Variants in TBC1D1 observed in about 807,000 individuals in gnomAD.
TBC1D1 encodes TBC1 (tre-2/USP6, BUB2, cdc16) domain family, member 1.
In TBC1D1, 89 loss-of-function variants were observed where a neutral mutation model predicts 125.6. The observed-to-expected ratio is 0.71, with a 90% confidence interval of 0.60 to 0.85. The LOEUF is 0.85. Among genes scored for constraint, TBC1D1 ranks in the 40% least tolerant of loss-of-function variants. The pLI, the probability that TBC1D1 is intolerant of heterozygous loss-of-function variation, is 0.00. For synonymous variants in TBC1D1, 565 were observed against 564.1 expected, an observed-to-expected ratio of 1.00 and a Z score of -0.02; for missense variants, 1,377 against 1,469.2, an observed-to-expected ratio of 0.94 and a Z score of 1.03.
rs1733335157 is a variant in TBC1D1 at position 37,977,296 on chromosome 4, T to C, written c.418-37213T>C. On this transcript the variant is annotated intron_variant, in intron 2 of 19. Transcript: ENST00000261439. The surrounding 1 kb of genome is among the most constrained non-coding windows in gnomAD (Gnocchi z 4.3). ...CCGCGCTCTCCCCTCCCACTTCCCT[T>C]TCTCTGCCTGGCCGCCCCGCGGGCG... 1 of 123,294 alleles carries C rather than the reference T, an allele frequency of 8.1e-6. No homozygotes were observed. The highest frequency in any genetic ancestry group is 1.7e-5 in the Non-Finnish European group (1 of 59,182). 7.6% of individuals were successfully genotyped at this position (123,294 alleles called of 1,614,324 possible).
Position 38,014,824 on chromosome 4 carries a change from G to T in TBC1D1, c.733G>T (p.Ala245Ser). 1 of 1,611,724 alleles carries T rather than the reference G, an allele frequency of 6.2e-7. No homozygotes were observed. The highest frequency in any genetic ancestry group is 8.5e-7 in the Non-Finnish European group (1 of 1,178,440). ...CTCCCAGCCCGGCCTGCGCTCGCTG[G>T]CCTTTAGGAAGGAGCTGCAGGATGG... Residue 245 changes from alanine (A) to serine (S), a missense_variant, in exon 3 of 20, where the codon GCC becomes TCC. This residue lies in a region of TBC1D1 where 822 missense variants were observed against 824.6 expected (regional missense o/e 1.00). Coordinates refer to ENST00000261439, the MANE Select transcript of TBC1D1 (RefSeq NM_015173.4). This position sits in a 1 kb window ranked among gnomAD's most constrained non-coding sequence, Gnocchi z 5.1.
chr4:37,971,140 C>A (rs1731930877), intron 2 of TBC1D1, among the ~76,000 whole-genome samples: 1 of 152,150 alleles, frequency 6.6e-6, no homozygotes, highest in African/African-American at 2.4e-5. Flanking sequence ...GGCCCCCCTG[C>A]CTTTCAAGTC....
At chr4:37,981,727 C>A (rs1734370044) in intron 2 of TBC1D1, among the ~76,000 whole-genome samples, 1 of 152,062 alleles carries the variant, frequency 6.6e-6, no homozygotes, top group African/African-American at 2.4e-5. Flanking sequence ...TAAGGTGGGC[C>A]AGGCTGTTTA....
intron 11 of TBC1D1, chr4:38,052,047 G>T: frequency 6.4e-7 from 1 of 1,551,146 alleles, no homozygotes; most frequent in Non-Finnish European, 8.7e-7. Flanking sequence ...AAGTGGGAAT[G>T]CTGTGCCAAA....
In TBC1D1 at chr4:37,960,589, C is replaced by T. The variant is rs777453331; in HGVS notation, c.418-53920C>T. ...CGACGTTTTGGCAAAACATACGATGCTCCATCAGCCTTACCTAAAGCTACC... is the reference window on the plus strand; with the variant it reads ...CGACGTTTTGGCAAAACATACGATGTTCCATCAGCCTTACCTAAAGCTACC... On this transcript the variant is annotated intron_variant, in intron 2 of 19. Coordinates refer to ENST00000261439, the MANE Select transcript of TBC1D1 (RefSeq NM_015173.4). 84 of 1,614,036 alleles carry T rather than the reference C, an allele frequency of 5.2e-5. 1 individual carries two copies. The highest frequency in any genetic ancestry group is 5.2e-4 in the Admixed American group (31 of 59,998).
chr4:38,130,832 CA>C (rs1042694878), intron 18 of TBC1D1, among the ~76,000 whole-genome samples: 5 of 152,126 alleles, frequency 3.3e-5, no homozygotes, highest in Non-Finnish European at 7.4e-5. Flanking sequence ...GACAACATAC[CA>C]AAGGATTGGG....
At chr4:37,962,164 A>G (rs1292777884) in intron 2 of TBC1D1, among the ~76,000 whole-genome samples, 1 of 152,226 alleles carries the variant, frequency 6.6e-6, no homozygotes, top group Non-Finnish European at 1.5e-5. Flanking sequence ...GGCTGCTCCA[A>G]GTAATCTTTA....
chr4:38,082,007 A>G (rs1756650734), intron 12 of TBC1D1, among the ~76,000 whole-genome samples: 1 of 152,158 alleles, frequency 6.6e-6, no homozygotes, highest in South Asian at 2.1e-4. Flanking sequence ...GGTGGTGAAG[A>G]TGAAATCAGT....
intron 2 of TBC1D1, among the ~76,000 whole-genome samples, chr4:37,915,256 C>T (rs1016745688): frequency 6.6e-6 from 1 of 152,176 alleles, no homozygotes; most frequent in South Asian, 2.1e-4. Context: ...AGTCAGCATT[C>T]TCCAGGGAAA....
chr4:37,950,362 A>C (rs1727574559), intron 2 of TBC1D1, among the ~76,000 whole-genome samples: 1 of 151,778 alleles, frequency 6.6e-6, no homozygotes, highest in Non-Finnish European at 1.5e-5. Flanking sequence ...ATAATAGAGG[A>C]TTTCTTATTA....
chr4:38,005,331 TACAC>T (rs1227521058), intron 2 of TBC1D1, among the ~76,000 whole-genome samples: 1 of 152,246 alleles, frequency 6.6e-6, no homozygotes, highest in Non-Finnish European at 1.5e-5. Flanking sequence ...GTGGTTTAAA[TACAC>T]AGAGTGAGAT....
At chr4:38,041,460 T>G (rs1451570580) in intron 8 of TBC1D1, among the ~76,000 whole-genome samples, 1 of 152,206 alleles carries the variant, frequency 6.6e-6, no homozygotes, top group Non-Finnish European at 1.5e-5. Flanking sequence ...CATTCCTCAT[T>G]ATTTCCCTTG....
intron 2 of TBC1D1, chr4:38,006,874 A>G (rs1383428444): frequency 4.0e-6 from 2 of 502,156 alleles, no homozygotes; most frequent in Non-Finnish European, 8.0e-6. Flanking sequence ...CATCCTTAAA[A>G]TCCTGATGCT....
rs1341991681 is a variant in TBC1D1, at chr4:38,125,407, T to C, written c.3132+276T>C. On this transcript the variant is annotated intron_variant, in intron 18 of 19. Transcript: ENST00000261439. ...AGTAGTTTCTTACATTTAAGAGACT[T>C]CAGCTCTAGTAGCTTGTTCTTCTGA... Among the ~76,000 whole-genome samples the C allele has an allele frequency of 3.3e-5, 5 of 152,206 alleles. No individual in the cohort carries two copies. In the East Asian group the frequency reaches 9.6e-4, roughly 29 times the overall value.
chr4:38,106,104 G>T (rs879067244), intron 15 of TBC1D1, among the ~76,000 whole-genome samples: 3 of 152,110 alleles, frequency 2.0e-5, no homozygotes, highest in African/African-American at 7.2e-5. Flanking sequence ...GACTGGGCTG[G>T]GGCTGTTTGG....
At chr4:38,055,912 C>T (rs1374797345) in intron 12 of TBC1D1, among the ~76,000 whole-genome samples, 1 of 152,172 alleles carries the variant, frequency 6.6e-6, no homozygotes, top group Non-Finnish European at 1.5e-5. Context: ...GAAAGGGGTG[C>T]CAGAACCCAA....
chr4:37,997,071 T>C (rs1156272854), intron 2 of TBC1D1, among the ~76,000 whole-genome samples: 1 of 152,268 alleles, frequency 6.6e-6, no homozygotes, highest in Admixed American at 6.5e-5. Flanking sequence ...TGTCCACATA[T>C]GTAATAATTT....
intron 2 of TBC1D1, among the ~76,000 whole-genome samples, chr4:38,003,502 T>C (rs779115368): frequency 5.9e-5 from 9 of 152,208 alleles, no homozygotes; most frequent in Non-Finnish European, 1.3e-4. Context: ...GTAGAAATTA[T>C]TTTTGTCATT....
chr4:38,124,954 T>C lies in TBC1D1; in HGVS notation c.2963-8T>C. ...GGTTTAACTTTCTGCATTTCTGTGT[T>C]TTCTCAGATATGATTTTTCTTCAGG... On this transcript the variant is annotated splice_region_variant and splice_polypyrimidine_tract_variant and intron_variant, in intron 17 of 19. Coordinates refer to ENST00000261439, the MANE Select transcript of TBC1D1 (RefSeq NM_015173.4). The C allele has an allele frequency of 6.2e-7, 1 of 1,612,616 alleles. No individual in the cohort carries two copies. The highest frequency in any genetic ancestry group is 1.1e-5 in the South Asian group (1 of 90,962).
Sources: allele counts gnomAD v4.1 joint callset (sites outside exome capture counted in the v4.1 genomes callset), GRCh38; gene constraint gnomAD v4.1.1; regional missense constraint gnomAD v4.1.1; non-coding constraint Gnocchi (gnomAD v3.1); transcripts MANE v1.5; gene names NCBI Gene and HGNC (gene_info 2026-07-23, HGNC 2026-07-21).